ATRN: variants seen among roughly 807,000 people sequenced by gnomAD.
ATRN encodes the protein attractin-2.
A neutral mutation model predicts 178.7 loss-of-function variants in ATRN; 54 were observed. The ratio of observed to expected loss-of-function variants is 0.30; its 90% CI spans 0.24 to 0.38. The LOEUF (loss-of-function observed/expected upper bound fraction) is 0.38. Ranked by LOEUF, ATRN falls within the 10% of genes least tolerant of loss-of-function variation. The pLI is 1.00. For synonymous variants in ATRN, 636 were observed against 663.0 expected, an observed-to-expected ratio of 0.96 and a Z score of 0.63; for missense variants, 1,443 against 1,815.1, an observed-to-expected ratio of 0.79 and a Z score of 3.73.
chr20:3,647,072 A>C lies in ATRN; in HGVS notation c.*225A>C. The C allele has an allele frequency of 2.0e-6, 1 of 511,048 alleles. No individual in the cohort carries two copies. The highest frequency in any genetic ancestry group is 3.3e-6 in the Non-Finnish European group (1 of 304,960). 31.7% of individuals were successfully genotyped at this position (511,048 alleles called of 1,614,324 possible). On this transcript the variant is annotated 3_prime_UTR_variant, in exon 29 of 29. Coordinates refer to ENST00000262919, the MANE Select transcript of ATRN (RefSeq NM_139321.3). The stretch of plus-strand genomic sequence containing the variant: ...TTTTGCATAGGAAATACTTGATTTA[A>C]TTACAGGTCCAGGGATGAGCTGATG...
intron 25 of ATRN, chr20:3,628,983 G>A (rs1379130119): frequency 1.2e-4 from 122 of 985,140 alleles, no homozygotes; most frequent in Non-Finnish European, 1.4e-4. Context: ...GCCCAGAAGT[G>A]ACCAATTCCA....
Position 3,583,925 on chromosome 20 carries a change from C to G in ATRN, c.2792C>G (p.Thr931Arg). The G allele has an allele frequency of 5.6e-6, 9 of 1,614,180 alleles. No homozygotes were observed. Among genetic ancestry groups the G allele is most frequent in the Non-Finnish European group, 6.8e-6 (8 of 1,180,026 alleles). Residue 931 changes from threonine (T) to arginine (R), a missense_variant, in exon 17 of 29, where the codon ACA becomes AGA. Physicochemically the swap from Thr to Arg is moderately conservative, Grantham distance 71. This residue lies in a region of ATRN where 212 missense variants were observed against 330.7 expected (regional missense o/e 0.64). Transcript: ENST00000262919. ...PANHSAKQCRTPCALRTACGD... is the reference protein window; with the variant it reads ...PANHSAKQCRRPCALRTACGD... The stretch of plus-strand genomic sequence containing the variant: ...AACCACAGTGCTAAGCAGTGCCGGA[C>G]ACCATGTGCCTTGAGGACAGCATGT...
intron 15 of ATRN, among the ~76,000 whole-genome samples, chr20:3,579,783 G>A (rs188395407): frequency 1.3e-3 from 205 of 152,292 alleles, no homozygotes; most frequent in African/African-American, 4.6e-3. Flanking sequence ...TAGTGGAAAT[G>A]TTCTTACCAA....
chr20:3,573,747 GTTTTA>G (rs1221968976), intron 12 of ATRN, among the ~76,000 whole-genome samples: 2 of 129,066 alleles, frequency 1.5e-5, no homozygotes, highest in South Asian at 2.8e-4. Context: ...TTTATTTTTT[GTTTTA>G]TTTTATTTTA....
At chr20:3,476,249 A>G (rs954696452) in intron 1 of ATRN, among the ~76,000 whole-genome samples, 3 of 152,238 alleles carry the variant, frequency 2.0e-5, no homozygotes, top group Non-Finnish European at 4.4e-5. Context: ...TTCACAGATG[A>G]GTAAACTTGG....
At position 3,535,261 on chromosome 20, in the gene ATRN, G is replaced by T; in HGVS notation, c.419G>T (p.Gly140Val). Residue 140 changes from glycine to valine, a missense_variant, in exon 2 of 29, where the codon GGA becomes GTA. Coordinates refer to ENST00000262919, the MANE Select transcript of ATRN (RefSeq NM_139321.3). ...CTTGATTTAAATTACAGACTAACTG[G>T]ATCTTCTGGGTTTGTGACAGATGGA... ...QHCGGRFRLT[G>V]SSGFVTDGPG... 6.6e-7 allele frequency: 1 copy of T among 1,505,798 alleles called. No homozygotes were observed. Among genetic ancestry groups the T allele is most frequent in the South Asian group, 1.4e-5 (1 of 73,982 alleles). The allele number at this position is 1,505,798 out of a possible 1,614,324, so 93.3% of individuals were successfully genotyped here.
rs1233735050 is a variant in ATRN at position 3,646,745 on chromosome 20, G to A, written c.4188G>A (p.Leu1396=). 3.1e-6 allele frequency: 5 copies of A among 1,604,916 alleles called. No individual in the cohort carries two copies. Among genetic ancestry groups the A allele is most frequent in the Non-Finnish European group, 4.3e-6 (5 of 1,175,490 alleles). The part of the protein sequence containing the change: ...GQSGLAVASA[L]VDISQQMPIV... The stretch of plus-strand genomic sequence containing the variant: ...AAGGTCTTGCTGTGGCCAGCGCCCT[G>A]GTGGACATTTCTCAGCAGATGCCGA... Residue 1396 remains leucine, a synonymous_variant, in exon 29 of 29, where the codon CTG becomes CTA. Coordinates refer to ENST00000262919, the MANE Select transcript of ATRN (RefSeq NM_139321.3).
intron 1 of ATRN, among the ~76,000 whole-genome samples, chr20:3,494,309 G>T (rs966840124): frequency 6.6e-6 from 1 of 152,176 alleles, no homozygotes; most frequent in African/African-American, 2.4e-5. Context: ...GAGCAGTAGG[G>T]GTAAGTTGGG....
At chr20:3,599,771 G>C (rs1568756152) in intron 22 of ATRN, among the ~76,000 whole-genome samples, 1 of 152,182 alleles carries the variant, frequency 6.6e-6, no homozygotes, top group East Asian at 1.9e-4. Context: ...AAGGATGACT[G>C]TAATTGTTAG....
At chr20:3,606,344 C>G (rs1164187665) in intron 24 of ATRN, among the ~76,000 whole-genome samples, 9 of 152,050 alleles carry the variant, frequency 5.9e-5, no homozygotes, top group Non-Finnish European at 1.5e-5. Context: ...TTTTCTTTTC[C>G]TCGTTTTCTG....
intron 1 of ATRN, among the ~76,000 whole-genome samples, chr20:3,477,832 A>G (rs1279712496): frequency 3.9e-5 from 6 of 152,256 alleles, no homozygotes; most frequent in African/African-American, 1.2e-4. Context: ...CATGACTGCC[A>G]TATATGTCTT....
At position 3,600,855 on chromosome 20, in the gene ATRN, A is replaced by G; in HGVS notation, c.3565-91A>G. ...AAGACATCATAAAATGTTTGTGATT[A>G]AGAACATTTAGAGGAGTAAACTTTA... On this transcript the variant is annotated intron_variant, in intron 22 of 28. Coordinates refer to ENST00000262919, the MANE Select transcript of ATRN (RefSeq NM_139321.3). The G allele has an allele frequency of 3.4e-6, 4 of 1,181,996 alleles. No homozygotes were observed. In the South Asian group the frequency reaches 4.5e-5, roughly 13 times the overall value. 73.2% of individuals were successfully genotyped at this position (1,181,996 alleles called of 1,614,324 possible). A position where few individuals can be genotyped will look rare whatever the true frequency, so the allele number is the denominator to read the frequency against.
intron 24 of ATRN, among the ~76,000 whole-genome samples, chr20:3,617,840 A>G (rs1416334333): frequency 2.0e-5 from 3 of 152,136 alleles, no homozygotes; most frequent in African/African-American, 7.2e-5. Flanking sequence ...AGTACACAGC[A>G]TTGTACGGGG....
At chr20:3,495,465 G>A (rs2084865438) in intron 1 of ATRN, among the ~76,000 whole-genome samples, 1 of 152,160 alleles carries the variant, frequency 6.6e-6, no homozygotes, top group Non-Finnish European at 1.5e-5. Flanking sequence ...AGGGGTTTGG[G>A]TAGGGGCTTT....
chr20:3,533,111 C>G (rs2085477534), intron 1 of ATRN, among the ~76,000 whole-genome samples: 1 of 152,228 alleles, frequency 6.6e-6, no homozygotes, highest in Non-Finnish European at 1.5e-5. Flanking sequence ...AGGGCATGAC[C>G]TGTAGCAAGG....
intron 18 of ATRN, among the ~76,000 whole-genome samples, chr20:3,587,786 A>G (rs184254249): frequency 3.3e-5 from 5 of 152,222 alleles, no homozygotes; most frequent in Non-Finnish European, 1.5e-5. Flanking sequence ...TGGTTTGATA[A>G]GGTTTGCATT....
intron 20 of ATRN, among the ~76,000 whole-genome samples, chr20:3,595,256 T>C (rs2086511523): frequency 6.6e-6 from 1 of 152,232 alleles, no homozygotes; most frequent in African/African-American, 2.4e-5. Context: ...CCTCAATCAA[T>C]GTATACCGGG....
chr20:3,571,262 A>G (rs2086118830), intron 11 of ATRN, among the ~76,000 whole-genome samples: 1 of 152,230 alleles, frequency 6.6e-6, no homozygotes, highest in South Asian at 2.1e-4. Flanking sequence ...AGTTATTTAT[A>G]TCCTGCTGCT....
rs1011977584 is a variant in ATRN, at chr20:3,632,916, G to A, written c.3864-1395G>A. 2.0e-5 allele frequency among the ~76,000 whole-genome samples: 3 copies of A among 152,226 alleles called. No homozygotes were observed. Among genetic ancestry groups the A allele is most frequent in the African/African-American group, 7.2e-5 (3 of 41,450 alleles). On this transcript the variant is annotated intron_variant, in intron 25 of 28. Transcript: ENST00000262919. The surrounding 1 kb of genome is among the most constrained non-coding windows in gnomAD (Gnocchi z 4.2). ...TTGCCAAGGCAGGCAGATCACTTGAGGTTAGGAGTTTGAGACCAGACTGGC... is the reference window on the plus strand; with the variant it reads ...TTGCCAAGGCAGGCAGATCACTTGAAGTTAGGAGTTTGAGACCAGACTGGC...
Sources: gnomAD v4.1 joint callset for allele counts (sites outside exome capture counted in the v4.1 genomes callset) on GRCh38, gnomAD v4.1.1 for gene constraint, gnomAD v4.1.1 regional missense constraint, Gnocchi (gnomAD v3.1) non-coding constraint, MANE v1.5 for transcripts, NCBI Gene and HGNC (gene_info 2026-07-23, HGNC 2026-07-21) for gene names.